The following PRKN variants were observed in gnomAD, a reference collection of about 807,000 sequenced individuals.
The protein encoded by PRKN is E3 ubiquitin-protein ligase parkin.
Under a neutral mutation model 59.5 loss-of-function variants are expected in PRKN, and 56 were observed. The ratio of observed to expected loss-of-function variants is 0.94; its 90% CI spans 0.76 to 1.18. PRKN has a LOEUF of 1.18. Among genes scored for constraint, PRKN ranks in the 50% most tolerant of loss-of-function variants. PRKN has a pLI of 0.00. For synonymous variants in PRKN, 250 were observed against 222.1 expected (o/e 1.13, Z -1.12); for missense variants, 657 against 596.4 (o/e 1.10, Z -1.06).
intron 6 of PRKN, among the ~76,000 whole-genome samples, chr6:161,928,488 C>T (rs879800151): frequency 2.6e-5 from 4 of 151,982 alleles, no homozygotes; most frequent in Non-Finnish European, 5.9e-5. Context: ...GGTTTTATTC[C>T]ACAGGATTTA....
intron 4 of PRKN, among the ~76,000 whole-genome samples, chr6:162,158,183 G>T (rs1430446655): frequency 6.6e-6 from 1 of 151,956 alleles, no homozygotes; most frequent in Non-Finnish European, 1.5e-5. Flanking sequence ...AAGGTTTTCT[G>T]TTTGGGTGAT....
At chr6:161,716,936 T>C (rs187452708) in intron 7 of PRKN, among the ~76,000 whole-genome samples, 109 of 152,200 alleles carry the variant, frequency 7.2e-4, no homozygotes, top group Middle Eastern at 3.4e-3. Flanking sequence ...TAACCATAAT[T>C]AGAGAAGCAT....
chr6:161,761,979 A>G (rs565435385), intron 7 of PRKN, among the ~76,000 whole-genome samples: 3 of 152,174 alleles, frequency 2.0e-5, no homozygotes, highest in Non-Finnish European at 4.4e-5. Context: ...TTGGTGGAGG[A>G]CAGGACATAT....
intron 1 of PRKN, among the ~76,000 whole-genome samples, chr6:162,641,335 A>G (rs950174936): frequency 2.6e-5 from 4 of 152,114 alleles, no homozygotes; most frequent in African/African-American, 9.7e-5. Context: ...TAGATGTAAA[A>G]GACATTTTAC....
At chr6:162,122,847 A>G (rs1029268428) in intron 4 of PRKN, among the ~76,000 whole-genome samples, 4 of 152,134 alleles carry the variant, frequency 2.6e-5, no homozygotes, top group Non-Finnish European at 4.4e-5. Context: ...ACACACCTGC[A>G]GAATCAACTG....
chr6:161,738,195 C>G (rs567396230), intron 7 of PRKN, among the ~76,000 whole-genome samples: 2 of 152,184 alleles, frequency 1.3e-5, no homozygotes, highest in Middle Eastern at 3.4e-3. Context: ...AAAAGTAACA[C>G]CAAAGCTTCA....
intron 6 of PRKN, among the ~76,000 whole-genome samples, chr6:161,810,643 T>G (rs969203498): frequency 2.0e-5 from 3 of 152,236 alleles, no homozygotes; most frequent in African/African-American, 7.2e-5. Context: ...TGACTACTTA[T>G]GTAACAGTCA....
At chr6:161,521,542 C>G (rs1778826045) in intron 9 of PRKN, among the ~76,000 whole-genome samples, 1 of 152,168 alleles carries the variant, frequency 6.6e-6, no homozygotes, top group Non-Finnish European at 1.5e-5. Context: ...AAACTCTGCC[C>G]TCAAAGAAAT....
At chr6:162,566,950 A>C (rs573181753) in intron 1 of PRKN, among the ~76,000 whole-genome samples, 1 of 152,202 alleles carries the variant, frequency 6.6e-6, no homozygotes, top group Admixed American at 6.5e-5. Context: ...TGCAAGGATG[A>C]TTCAAAATAT....
chr6:162,178,016 T>C (rs1783620936), intron 4 of PRKN, among the ~76,000 whole-genome samples: 1 of 152,168 alleles, frequency 6.6e-6, no homozygotes, highest in African/African-American at 2.4e-5. Flanking sequence ...AAAAATGCGA[T>C]TAGGATTCTA....
chr6:161,560,866 C>A lies in PRKN; in HGVS notation c.933+8489G>T, dbSNP rs999599898. 1.3e-5 allele frequency among the ~76,000 whole-genome samples: 2 copies of A among 152,214 alleles called. No individual in the cohort carries two copies. The highest frequency in any genetic ancestry group is 2.9e-5 in the Non-Finnish European group (2 of 68,036). On this transcript the variant is annotated intron_variant, in intron 8 of 11. Transcript: ENST00000366898. This position sits in a 1 kb window ranked among gnomAD's most constrained non-coding sequence, Gnocchi z 4.9. ...CCCACCTTCCTTCCTGGTCTGACAGCTTCTGTCATCTACCACCAGAAGCAT... is the reference window on the plus strand; with the variant it reads ...CCCACCTTCCTTCCTGGTCTGACAGATTCTGTCATCTACCACCAGAAGCAT...
chr6:162,355,328 T>G (rs941176015), intron 2 of PRKN, among the ~76,000 whole-genome samples: 1 of 151,856 alleles, frequency 6.6e-6, no homozygotes, highest in East Asian at 1.9e-4. Context: ...TCTATTTAAT[T>G]AAGAGACTTT....
Position 162,175,735 on chromosome 6 carries a change from C to T in PRKN, c.534+25396G>A, listed in dbSNP as rs546248514. On this transcript the variant is annotated intron_variant, in intron 4 of 11. Coordinates refer to ENST00000366898, the MANE Select transcript of PRKN (RefSeq NM_004562.3). ...TAGGGCCACTGGTCCACGGGACATA[C>T]TGCTGGAATAGCAAGACTTGGACCC... Among the ~76,000 whole-genome samples, 13 of 152,258 alleles carry T rather than the reference C, an allele frequency of 8.5e-5. No homozygotes were observed. In the South Asian group the frequency reaches 2.7e-3, roughly 32 times the overall value.
At chr6:161,608,870 G>C (rs994885278) in intron 7 of PRKN, among the ~76,000 whole-genome samples, 2 of 152,018 alleles carry the variant, frequency 1.3e-5, no homozygotes, top group African/African-American at 4.8e-5. Flanking sequence ...TTCATCTTGG[G>C]CTCTTTCACT....
chr6:162,192,641 T>C (rs2128327290), intron 4 of PRKN, among the ~76,000 whole-genome samples: 1 of 151,750 alleles, frequency 6.6e-6, no homozygotes, highest in Admixed American at 6.6e-5. Context: ...CTATTTTTTG[T>C]AGAAGCAGGT....
rs572304286 is a variant in PRKN, at chr6:161,502,587, T to C, written c.1083+46267A>G. On this transcript the variant is annotated intron_variant, in intron 9 of 11. Transcript: ENST00000366898. This position sits in a 1 kb window ranked among gnomAD's most constrained non-coding sequence, Gnocchi z 4.0. The stretch of plus-strand genomic sequence containing the variant: ...GTGCATTGACTGGTAGGGATGAGGA[T>C]AGTAAGAGTATCCTGAAGGAGGGGA... 2.6e-4 allele frequency among the ~76,000 whole-genome samples: 40 copies of C among 152,134 alleles called. No homozygotes were observed. Among genetic ancestry groups the C allele is most frequent in the Non-Finnish European group, 4.6e-4 (31 of 68,022 alleles).
At chr6:162,648,231 A>C (rs566304311) in intron 1 of PRKN, among the ~76,000 whole-genome samples, 5 of 152,190 alleles carry the variant, frequency 3.3e-5, no homozygotes, top group Non-Finnish European at 7.3e-5. Context: ...TGCCTAAAAA[A>C]TAGATTTTAT....
intron 4 of PRKN, among the ~76,000 whole-genome samples, chr6:162,144,870 G>A (rs926615283): frequency 6.6e-6 from 1 of 152,042 alleles, no homozygotes; most frequent in East Asian, 1.9e-4. Context: ...TTAAGGCTAC[G>A]GTGGAGTGAA....
chr6:162,287,009 T>C (rs1781220246), intron 2 of PRKN, among the ~76,000 whole-genome samples: 1 of 152,340 alleles, frequency 6.6e-6, no homozygotes, highest in Non-Finnish European at 1.5e-5. Context: ...CTTCATTCTA[T>C]AACCAAAGCA....
Sources: gnomAD v4.1 joint callset for allele counts (sites outside exome capture counted in the v4.1 genomes callset) on GRCh38, gnomAD v4.1.1 for gene constraint, Gnocchi (gnomAD v3.1) non-coding constraint, MANE v1.5 for transcripts, NCBI Gene and HGNC (gene_info 2026-07-23, HGNC 2026-07-21) for gene names.